The following NEDD9 variants were observed in gnomAD, a reference collection of about 807,000 sequenced individuals.
NEDD9 encodes neural precursor cell expressed, developmentally down-regulated 9, also known as enhancer of filamentation 1.
NEDD9 carries 26 observed loss-of-function variants against 76.6 expected under a neutral mutation model. The observed-to-expected ratio is 0.34, with a 90% CI of 0.25 to 0.47. The LOEUF is 0.47. Among genes scored for constraint, NEDD9 ranks in the 20% least tolerant of loss-of-function variants. NEDD9 has a pLI of 1.00. For synonymous variants in NEDD9, 392 were observed against 414.2 expected, an observed-to-expected ratio of 0.95 and a Z score of 0.65; for missense variants, 937 against 1,058.5, an observed-to-expected ratio of 0.89 and a Z score of 1.59.
intron 1 of NEDD9, among the ~76,000 whole-genome samples, chr6:11,340,293 C>T (rs181959251): frequency 9.3e-4 from 141 of 152,282 alleles, no homozygotes; most frequent in African/African-American, 3.1e-3. Flanking sequence ...GTGTGGTACC[C>T]TTTATTCACA....
intron 3 of NEDD9, among the ~76,000 whole-genome samples, chr6:11,279,265 C>T (rs1418721944): frequency 6.6e-6 from 1 of 152,198 alleles, no homozygotes; most frequent in Non-Finnish European, 1.5e-5. Context: ...AGATGTTTGT[C>T]AGAATACTCA....
At chr6:11,233,440 T>C (rs377342298), upstream of NEDD9, 2 of 518,838 alleles carry the variant, frequency 3.9e-6, no homozygotes, top group Non-Finnish European at 7.7e-6. Context: ...GGTTGGCCAG[T>C]GCACGCCCTA....
intron 1 of NEDD9, among the ~76,000 whole-genome samples, chr6:11,369,514 C>T (rs904234790): frequency 7.9e-5 from 12 of 152,150 alleles, no homozygotes; most frequent in Admixed American, 2.6e-4. Flanking sequence ...TGATTGTGCA[C>T]GTGTACACAC....
chr6:11,283,181 C>T (rs1221889872), intron 3 of NEDD9, among the ~76,000 whole-genome samples: 2 of 152,072 alleles, frequency 1.3e-5, no homozygotes, highest in African/African-American at 4.8e-5. Flanking sequence ...CTTAAATACT[C>T]TATCTAAACT....
intron 3 of NEDD9, among the ~76,000 whole-genome samples, chr6:11,288,044 C>A (rs954478629): frequency 6.6e-6 from 1 of 152,208 alleles, no homozygotes; most frequent in Non-Finnish European, 1.5e-5. Context: ...CATTCCTCCA[C>A]TCTGCAGACT....
chr6:11,200,293 A>G (rs1246153678), intron 2 of NEDD9: 4 of 458,758 alleles, frequency 8.7e-6, no homozygotes, highest in South Asian at 6.2e-5. Context: ...TGAAGACATC[A>G]GGGTTGCCAG....
chr6:11,346,451 T>C (rs1050805735), intron 1 of NEDD9, among the ~76,000 whole-genome samples: 3 of 150,322 alleles, frequency 2.0e-5, no homozygotes, highest in Non-Finnish European at 3.0e-5. Context: ...TTCACTTTCG[T>C]TGTACTGTTA....
intron 2 of NEDD9, among the ~76,000 whole-genome samples, chr6:11,207,268 G>A (rs1758643317): frequency 6.6e-6 from 1 of 152,170 alleles, no homozygotes; most frequent in Non-Finnish European, 1.5e-5. Flanking sequence ...TGTCGCTCTG[G>A]GCAACCAGAT....
At chr6:11,208,721 AT>A (rs1758684955) in intron 2 of NEDD9, among the ~76,000 whole-genome samples, 2 of 152,222 alleles carry the variant, frequency 1.3e-5, no homozygotes, top group South Asian at 4.1e-4. Context: ...AGCAGTTAGA[AT>A]AAAAGCGACA....
intron 4 of NEDD9, 147 bp from the exon 5 acceptor site, chr6:11,191,352 C>A: frequency 2.4e-6 from 2 of 821,030 alleles, no homozygotes; most frequent in South Asian, 3.8e-5. Flanking sequence ...CCCCGTTATT[C>A]TGCTGTCACT....
intron 1 of NEDD9, among the ~76,000 whole-genome samples, chr6:11,354,203 G>A (rs1034787187): frequency 2.4e-4 from 37 of 152,150 alleles, no homozygotes; most frequent in African/African-American, 7.5e-4. Context: ...AAGAGCTCTG[G>A]GGCTATTTAT....
intron 2 of NEDD9, among the ~76,000 whole-genome samples, chr6:11,204,790 A>T (rs967609509): frequency 6.6e-6 from 1 of 151,970 alleles, no homozygotes; most frequent in African/African-American, 2.4e-5. Context: ...TGTGGCAGAG[A>T]AAGCCAACAT....
At chr6:11,288,352 G>T (rs998204546) in intron 3 of NEDD9, among the ~76,000 whole-genome samples, 1 of 152,206 alleles carries the variant, frequency 6.6e-6, no homozygotes, top group Admixed American at 6.5e-5. Context: ...CACCACGTCA[G>T]ATATAATTAA....
At chr6:11,327,593 T>C (rs565833202) in intron 2 of NEDD9, among the ~76,000 whole-genome samples, 92 of 152,350 alleles carry the variant, frequency 6.0e-4, no homozygotes, top group African/African-American at 2.1e-3. Flanking sequence ...AGTTCTAGTC[T>C]TCTCTGATCA....
chr6:11,332,641 G>A (rs938564948), intron 2 of NEDD9, among the ~76,000 whole-genome samples: 7 of 152,224 alleles, frequency 4.6e-5, no homozygotes, highest in Middle Eastern at 3.4e-3. Flanking sequence ...AGCACACGTC[G>A]TGTTCTATTT....
Position 11,252,374 on chromosome 6 carries a change from C to T in NEDD9, c.13-38647G>A, listed in dbSNP as rs1298884985. Among the ~76,000 whole-genome samples the T allele has an allele frequency of 2.0e-5, 3 of 152,178 alleles. No homozygotes were observed. Among genetic ancestry groups the T allele is most frequent in the African/African-American group, 4.8e-5 (2 of 41,428 alleles). ...GAATAGTAGTTTCCTATTGCAATAT[C>T]GGAACCAGCTCTCACGTCCCGATTT... On this transcript the variant is annotated intron_variant, in intron 3 of 3. Transcript: ENST00000397378. The surrounding 1 kb of genome is among the most constrained non-coding windows in gnomAD (Gnocchi z 4.3).
chr6:11,210,876 C>G (rs1157935186), intron 2 of NEDD9, among the ~76,000 whole-genome samples: 5 of 151,966 alleles, frequency 3.3e-5, no homozygotes, highest in Admixed American at 3.3e-4. Flanking sequence ...CTCTGGGGTA[C>G]ATGGAGAGAG....
At chr6:11,282,268 G>A (rs1249846590) in intron 3 of NEDD9, among the ~76,000 whole-genome samples, 2 of 152,184 alleles carry the variant, frequency 1.3e-5, no homozygotes, top group Non-Finnish European at 2.9e-5. Context: ...CAATTTTACA[G>A]TTTGGCTTAC....
intron 1 of NEDD9, among the ~76,000 whole-genome samples, chr6:11,218,130 G>T (rs1489218593): frequency 6.6e-6 from 1 of 152,174 alleles, no homozygotes; most frequent in African/African-American, 2.4e-5. Context: ...TATTTCTTCT[G>T]CATTCCAGTC....
Sources: allele counts gnomAD v4.1 joint callset (sites outside exome capture counted in the v4.1 genomes callset), GRCh38; gene constraint gnomAD v4.1.1; non-coding constraint Gnocchi (gnomAD v3.1); transcripts MANE v1.5; gene names NCBI Gene and HGNC (gene_info 2026-07-23, HGNC 2026-07-21).